PCDHGA1: variants seen among roughly 807,000 people sequenced by gnomAD.
The protein encoded by PCDHGA1 is protocadherin gamma subfamily A, 1.
In PCDHGA1, 32 loss-of-function variants were observed where a neutral mutation model predicts 58.0. The observed-to-expected ratio is 0.55, with a 90% CI of 0.42 to 0.74. The LOEUF is 0.74. PCDHGA1 is among the 30% of genes least tolerant of loss of function. The pLI is 0.00. For synonymous variants in PCDHGA1, 498 were observed against 501.1 expected, an observed-to-expected ratio of 0.99 and a Z score of 0.08; for missense variants, 1,205 against 1,182.3, an observed-to-expected ratio of 1.02 and a Z score of -0.28.
intron 1 of PCDHGA1, chr5:141,344,085 G>T (rs1757359453): frequency 6.2e-7 from 1 of 1,611,498 alleles, no homozygotes; most frequent in South Asian, 1.1e-5. Context: ...CCTGCTGTGC[G>T]CGCTCCTGGG....
At chr5:141,392,273 GC>G (rs1371015127) in intron 1 of PCDHGA1, 1 of 152,178 alleles carries the variant, frequency 6.6e-6, no homozygotes, top group Non-Finnish European at 1.5e-5. Flanking sequence ...TTACAATAAA[GC>G]TTAGAGCACA....
chr5:141,340,810 G>C, intron 1 of PCDHGA1: 1 of 1,613,942 alleles, frequency 6.2e-7, no homozygotes, highest in Non-Finnish European at 8.5e-7. Context: ...AGGCCAGCGA[G>C]CCGGGACTCT....
chr5:141,359,398 T>A (rs913400930), intron 1 of PCDHGA1, among the ~76,000 whole-genome samples: 8 of 152,004 alleles, frequency 5.3e-5, no homozygotes, highest in Non-Finnish European at 7.4e-5. Flanking sequence ...TAAAATCAAA[T>A]TTTTTAAAAA....
Position 141,432,323 on chromosome 5 carries a change from T to C in PCDHGA1, c.2422-62484T>C, listed in dbSNP as rs1198710959. The C allele has an allele frequency of 3.4e-5, 55 of 1,614,214 alleles. No individual in the cohort carries two copies. Among genetic ancestry groups the C allele is most frequent in the Non-Finnish European group, 4.7e-5 (55 of 1,180,028 alleles). On this transcript the variant is annotated intron_variant, in intron 1 of 3. Transcript: ENST00000517417. This position sits in a 1 kb window ranked among gnomAD's most constrained non-coding sequence, Gnocchi z 6.0. ...ACTGTATGCGCTGAGCTCCTTCGAC[T>C]ACGAGCAGTTCCGAGACTTGCAAGT...
intron 1 of PCDHGA1, chr5:141,345,814 T>C (rs1366934477): frequency 6.2e-7 from 1 of 1,613,426 alleles, no homozygotes; most frequent in Non-Finnish European, 8.5e-7. Flanking sequence ...GTGGTGGCGG[T>C]GGACAGAGAC....
intron 3 of PCDHGA1, among the ~76,000 whole-genome samples, chr5:141,510,227 C>T (rs1010123412): frequency 1.3e-5 from 2 of 150,454 alleles, no homozygotes; most frequent in African/African-American, 2.5e-5. Context: ...GAGCCGGGAT[C>T]GCGCCACTGC....
intron 1 of PCDHGA1, chr5:141,355,189 G>T (rs1414390153): frequency 6.3e-7 from 1 of 1,590,758 alleles, no homozygotes; most frequent in Non-Finnish European, 8.6e-7. Flanking sequence ...GCGACTCCGC[G>T]GCGGGGTTGT....
intron 1 of PCDHGA1, chr5:141,409,594 C>A: frequency 1.2e-6 from 2 of 1,613,900 alleles, no homozygotes; most frequent in Non-Finnish European, 1.7e-6. Flanking sequence ...TGGCCGAGAA[C>A]AACCCGCCAG....
intron 1 of PCDHGA1, chr5:141,370,244 A>G: frequency 1.6e-6 from 1 of 633,826 alleles, no homozygotes; most frequent in Non-Finnish European, 2.6e-6. Context: ...AGAAAAGTGC[A>G]CTCTCTATCA....
At chr5:141,495,279 G>T (rs72790069) in intron 2 of PCDHGA1, among the ~76,000 whole-genome samples, 4 of 152,146 alleles carry the variant, frequency 2.6e-5, no homozygotes, top group Non-Finnish European at 5.9e-5. Context: ...CGGAGGAGGC[G>T]GTCCGCACTC....
intron 1 of PCDHGA1, among the ~76,000 whole-genome samples, chr5:141,482,530 C>CAAAAAAAAAAAAAA (rs3074545): frequency 1.2e-4 from 9 of 76,558 alleles, no homozygotes; most frequent in African/African-American, 3.8e-4. Flanking sequence ...GACAGACATG[C>CAAAAAAAAAAAAAA]AAAAAAAAAA....
At chr5:141,470,201 G>C (rs2154570565) in intron 1 of PCDHGA1, among the ~76,000 whole-genome samples, 1 of 152,274 alleles carries the variant, frequency 6.6e-6, no homozygotes, top group Non-Finnish European at 1.5e-5. Flanking sequence ...AGATAAATAT[G>C]AAGGCTAAAC....
intron 1 of PCDHGA1, among the ~76,000 whole-genome samples, chr5:141,472,889 G>A (rs1163806093): frequency 6.6e-6 from 1 of 151,392 alleles, no homozygotes; most frequent in Non-Finnish European, 1.5e-5. Context: ...GGGAGGCTGA[G>A]GCAGGAGAAT....
At chr5:141,492,495 G>A (rs750427038) in intron 1 of PCDHGA1, among the ~76,000 whole-genome samples, 65 of 152,186 alleles carry the variant, frequency 4.3e-4, no homozygotes, top group Non-Finnish European at 6.0e-4. Context: ...ACCAGGCGAG[G>A]ACTCCGGAGC....
chr5:141,394,627 C>T (rs563086120), intron 1 of PCDHGA1: 2 of 1,613,412 alleles, frequency 1.2e-6, no homozygotes, highest in East Asian at 2.2e-5. Context: ...GCCTGGCTGT[C>T]CTACCGCCTG....
chr5:141,372,451 C>A (rs749000608), intron 1 of PCDHGA1: 1 of 1,614,042 alleles, frequency 6.2e-7, no homozygotes, highest in East Asian at 2.2e-5. Context: ...GACCCTCAGG[C>A]GGAGCTACAG....
intron 1 of PCDHGA1, chr5:141,375,274 A>G: frequency 1.9e-6 from 3 of 1,613,898 alleles, no homozygotes; most frequent in Non-Finnish European, 2.5e-6. Context: ...TGGAAAAATC[A>G]GTTGGCAATT....
At chr5:141,400,077 C>T in intron 1 of PCDHGA1, 4 of 1,614,040 alleles carry the variant, frequency 2.5e-6, no homozygotes, top group South Asian at 1.1e-5. Context: ...AGCCGCCACT[C>T]TCCGCCACCG....
Position 141,489,087 on chromosome 5 carries a change from TGA to T in PCDHGA1, c.2422-5719_2422-5718del. The T allele has an allele frequency of 4.6e-6, 1 of 216,098 alleles. No individual in the cohort carries two copies. 13.4% of individuals were successfully genotyped at this position (216,098 alleles called of 1,614,324 possible). ...CCCCCTGCCCACCCCCGCCACTCGGTGACTAAGAACTGCTGCAAGCAGGCAAA... is the reference window on the plus strand; with the variant it reads ...CCCCCTGCCCACCCCCGCCACTCGGTCTAAGAACTGCTGCAAGCAGGCAAA... On this transcript the variant is annotated intron_variant, in intron 1 of 3. Transcript: ENST00000517417. The surrounding 1 kb of genome is among the most constrained non-coding windows in gnomAD (Gnocchi z 4.5).
Sources: allele counts gnomAD v4.1 joint callset (sites outside exome capture counted in the v4.1 genomes callset), GRCh38; gene constraint gnomAD v4.1.1; non-coding constraint Gnocchi (gnomAD v3.1); transcripts MANE v1.5; gene names NCBI Gene and HGNC (gene_info 2026-07-23, HGNC 2026-07-21).